PLEKHS1: variants seen among roughly 807,000 people sequenced by gnomAD.
PLEKHS1 encodes the protein pleckstrin homology domain-containing family S member 1.
A neutral mutation model predicts 51.0 loss-of-function variants in PLEKHS1; 55 were observed. That is an observed-to-expected ratio of 1.08 (90% CI 0.87 to 1.35). The LOEUF is 1.35. Ranked by LOEUF, PLEKHS1 falls within the 40% of genes most tolerant of loss-of-function variation. The pLI is 0.00. For missense variants in PLEKHS1, 398 were observed against 423.0 expected, an observed-to-expected ratio of 0.94 and a Z score of 0.52; for synonymous variants, 153 against 144.8, an observed-to-expected ratio of 1.06 and a Z score of -0.41.
intron 1 of PLEKHS1, among the ~76,000 whole-genome samples, chr10:113,753,007 A>C (rs1260814503): frequency 6.6e-6 from 1 of 152,236 alleles, no homozygotes; most frequent in Admixed American, 6.5e-5. Context: ...TCTGAACACA[A>C]AAAAATAATG....
intron 2 of PLEKHS1, among the ~76,000 whole-genome samples, chr10:113,758,329 G>A (rs1221410231): frequency 6.6e-6 from 1 of 152,188 alleles, no homozygotes. Flanking sequence ...TAGATGTTGT[G>A]TTAGCAGGCA....
intron 11 of PLEKHS1, 85 bp from the exon 12 acceptor site, chr10:113,777,039 A>T (rs1844699411): frequency 6.6e-7 from 1 of 1,509,308 alleles, no homozygotes; most frequent in African/African-American, 1.4e-5. Flanking sequence ...GTGCCACGTG[A>T]CCTAGAATCA....
chr10:113,766,852 G>C, intron 4 of PLEKHS1, 134 bp downstream of exon 4: 1 of 645,556 alleles, frequency 1.5e-6, no homozygotes, highest in South Asian at 2.3e-5. Flanking sequence ...ATTTGTGACT[G>C]AATAGGAGCT....
chr10:113,780,847 G>A (rs1220434430), exon 12 of PLEKHS1: 10 of 1,424,174 alleles, frequency 7.0e-6, no homozygotes, highest in Non-Finnish European at 9.4e-6. Context: ...GCCCCCTGCT[G>A]CTGCCATGTG....
At chr10:113,759,384 T>C (rs1286113709) in intron 2 of PLEKHS1, among the ~76,000 whole-genome samples, 1 of 152,188 alleles carries the variant, frequency 6.6e-6, no homozygotes, top group African/African-American at 2.4e-5. Context: ...GCCTGGGTAA[T>C]AGTAAACACA....
At chr10:113,778,936 A>G (rs1844786264) in intron 11 of PLEKHS1, among the ~76,000 whole-genome samples, 1 of 152,130 alleles carries the variant, frequency 6.6e-6, no homozygotes, top group Admixed American at 6.5e-5. Context: ...CGGCCCATTC[A>G]CTATTTATTG....
At chr10:113,769,803 A>G in exon 7 of PLEKHS1, 11 of 1,613,490 alleles carry the variant, frequency 6.8e-6, no homozygotes, top group African/African-American at 1.3e-5. Flanking sequence ...TCATTGGGTA[A>G]TAAAAGAACC....
At chr10:113,762,365 C>CTTTTTTTTTTTTTTTTTTTTTTTTGTTT (rs34457408) in intron 2 of PLEKHS1, among the ~76,000 whole-genome samples, 2 of 61,770 alleles carry the variant, frequency 3.2e-5, no homozygotes, top group Non-Finnish European at 6.0e-5. Flanking sequence ...AGATTTGTTC[C>CTTTTTTTTTTTTTTTTTTTTTTTTGTTT]TTTTTTTTTT....
chr10:113,759,406 T>G (rs1843815918), intron 2 of PLEKHS1, among the ~76,000 whole-genome samples: 1 of 152,174 alleles, frequency 6.6e-6, no homozygotes, highest in Non-Finnish European at 1.5e-5. Context: ...TCATCACTCT[T>G]GATGTTTTCT....
Position 113,774,958 on chromosome 10 carries a change from C to A in PLEKHS1, c.912C>A (p.Ala304=). The change falls in exon 10 of 12, where the codon GCC becomes GCA. Residue 304 remains alanine (A), a synonymous_variant. Coordinates refer to ENST00000361048, the Ensembl canonical transcript of PLEKHS1. ...GAATTGATTGGTGTCTTTCCCCTGC[C>A]GATGTGGAAGCACAGACCACAAATG... 1 of 1,614,156 alleles carries A rather than the reference C, an allele frequency of 6.2e-7. No individual in the cohort carries two copies. Among genetic ancestry groups the A allele is most frequent in the Non-Finnish European group, 8.5e-7 (1 of 1,180,030 alleles).
intron 11 of PLEKHS1, among the ~76,000 whole-genome samples, chr10:113,779,341 T>G (rs1593049436): frequency 6.6e-6 from 1 of 151,800 alleles, no homozygotes; most frequent in Non-Finnish European, 1.5e-5. Context: ...GAGGCGGAGG[T>G]GGGCAGATCA....
chr10:113,775,609 C>T (rs1423295198), intron 10 of PLEKHS1, among the ~76,000 whole-genome samples, 156 bp from the exon 11 acceptor site: 1 of 152,144 alleles, frequency 6.6e-6, no homozygotes, highest in Non-Finnish European at 1.5e-5. Flanking sequence ...GAGGATTTTT[C>T]AGTAACTTAA....
At chr10:113,775,150 C>A in intron 10 of PLEKHS1, 115 bp downstream of exon 10, 2 of 959,296 alleles carry the variant, frequency 2.1e-6, no homozygotes, top group South Asian at 1.8e-5. Context: ...ATCTCCAAGT[C>A]AGCCAAAAAC....
At chr10:113,774,243 C>T in exon 9 of PLEKHS1, 1 of 1,597,264 alleles carries the variant, frequency 6.3e-7, no homozygotes. Flanking sequence ...AATATCATTG[C>T]TTCCAGTGAT....
chr10:113,773,190 G>A (rs1036612215), intron 8 of PLEKHS1, among the ~76,000 whole-genome samples: 2 of 152,194 alleles, frequency 1.3e-5, no homozygotes, highest in Non-Finnish European at 2.9e-5. Flanking sequence ...ATGCAGTGGT[G>A]CATTGTAAAT....
chr10:113,767,237 T>C, intron 4 of PLEKHS1, 108 bp from the exon 5 acceptor site: 1 of 771,808 alleles, frequency 1.3e-6, no homozygotes, highest in Admixed American at 4.0e-5. Context: ...CTTGGAAACA[T>C]GGATCCAGCA....
chr10:113,767,842 G>A (rs1486835575), intron 5 of PLEKHS1, among the ~76,000 whole-genome samples: 1 of 152,110 alleles, frequency 6.6e-6, no homozygotes. Context: ...TTGGCTTGAG[G>A]CAACATAACT....
chr10:113,773,962 AC>A (rs1423660291), intron 8 of PLEKHS1, among the ~76,000 whole-genome samples: 5 of 152,190 alleles, frequency 3.3e-5, no homozygotes, highest in Admixed American at 3.3e-4. Flanking sequence ...AGAAAGATAA[AC>A]AGCAATTTAG....
At chr10:113,783,034 G>A (rs758464781), downstream of PLEKHS1, 4 of 152,086 alleles carry the variant, frequency 2.6e-5, no homozygotes, top group Non-Finnish European at 4.4e-5. Flanking sequence ...TCTGGAGCTC[G>A]AGAACAACCT....
Sources: gnomAD v4.1 joint callset for allele counts (sites outside exome capture counted in the v4.1 genomes callset) on GRCh38, gnomAD v4.1.1 for gene constraint, MANE v1.5 for transcripts, NCBI Gene and HGNC (gene_info 2026-07-23, HGNC 2026-07-21) for gene names.